The following MAGI1 variants were observed in gnomAD, a reference collection of about 807,000 sequenced individuals.
MAGI1 encodes the protein membrane-associated guanylate kinase, WW and PDZ domain-containing protein 1.
A neutral mutation model predicts 139.9 loss-of-function variants in MAGI1; 58 were observed. The ratio of observed to expected loss-of-function variants is 0.41; its 90% CI spans 0.34 to 0.52. The LOEUF (loss-of-function observed/expected upper bound fraction) is 0.52, where lower values mean the gene tolerates loss of function less well. Ranked by LOEUF, MAGI1 falls within the 20% of genes least tolerant of loss-of-function variation. MAGI1 has a pLI of 0.12. For missense variants in MAGI1, 1,874 were observed against 1,901.6 expected (o/e 0.99, Z 0.27); for synonymous variants, 812 against 737.9 (o/e 1.10, Z -1.63).
At chr3:65,950,100 A>AC (rs1167161398) in intron 1 of MAGI1, among the ~76,000 whole-genome samples, 2 of 88,034 alleles carry the variant, frequency 2.3e-5, no homozygotes, top group Admixed American at 2.8e-4. Context: ...CAAACAAAAA[A>AC]AAAAAACAGA....
chr3:65,662,503 G>T (rs892202234), intron 1 of MAGI1, among the ~76,000 whole-genome samples: 3 of 152,212 alleles, frequency 2.0e-5, no homozygotes, highest in Admixed American at 6.5e-5. Context: ...GACAGGTGTG[G>T]TTTACCAATC....
At chr3:65,421,429 C>T (rs2107278309) in intron 12 of MAGI1, among the ~76,000 whole-genome samples, 2 of 152,260 alleles carry the variant, frequency 1.3e-5, no homozygotes, top group East Asian at 3.9e-4. Flanking sequence ...AAAATACAAG[C>T]ACCACAGATA....
chr3:65,379,668 G>C (rs1051472857), intron 16 of MAGI1, 114 bp from the exon 17 acceptor site: 87 of 1,493,600 alleles, frequency 5.8e-5, no homozygotes, highest in Non-Finnish European at 7.3e-5. Context: ...CCGAGGGGAG[G>C]AGACAGCACC....
chr3:65,576,693 C>T (rs1425073968), intron 2 of MAGI1, among the ~76,000 whole-genome samples: 1 of 152,178 alleles, frequency 6.6e-6, no homozygotes, highest in Admixed American at 6.5e-5. Context: ...AGAACTCATA[C>T]ATTCCAGGAA....
At chr3:65,555,315 C>A (rs1236658185) in intron 2 of MAGI1, among the ~76,000 whole-genome samples, 1 of 152,102 alleles carries the variant, frequency 6.6e-6, no homozygotes, top group African/African-American at 2.4e-5. Context: ...TTCCTTTCTG[C>A]CTCAGAATAG....
intron 1 of MAGI1, among the ~76,000 whole-genome samples, chr3:66,013,407 A>T (rs1324347134): frequency 5.8e-5 from 2 of 34,566 alleles, no homozygotes; most frequent in Non-Finnish European, 7.1e-5. Flanking sequence ...TGTCTCAAAT[A>T]AAAAAAAAAA....
At chr3:65,449,767 T>G (rs981226129) in intron 6 of MAGI1, among the ~76,000 whole-genome samples, 5 of 151,956 alleles carry the variant, frequency 3.3e-5, no homozygotes, top group African/African-American at 9.7e-5. Context: ...AGGGCGAGAC[T>G]CCATCTCAAA....
intron 1 of MAGI1, among the ~76,000 whole-genome samples, chr3:65,823,853 C>G (rs2042075763): frequency 6.6e-6 from 1 of 152,196 alleles, no homozygotes; most frequent in African/African-American, 2.4e-5. Flanking sequence ...GATGGACACA[C>G]ACCTCCTTCC....
chr3:65,450,826 C>A (rs1181989634), intron 6 of MAGI1, among the ~76,000 whole-genome samples: 1 of 152,086 alleles, frequency 6.6e-6, no homozygotes, highest in African/African-American at 2.4e-5. Context: ...ATATGTATGA[C>A]CTACAGAGAA....
chr3:65,359,259 A>T, intron 22 of MAGI1: 1 of 1,544,838 alleles, frequency 6.5e-7, no homozygotes. Flanking sequence ...GAAAGAAAAA[A>T]AATCTACATT....
chr3:65,383,442 G>C (rs1943212025), intron 15 of MAGI1, 90 bp downstream of exon 15: 2 of 921,574 alleles, frequency 2.2e-6, no homozygotes, highest in Admixed American at 3.5e-5. Context: ...CATCTAGCTG[G>C]ACTTAAATCT....
At chr3:65,838,436 T>C (rs534594999) in intron 1 of MAGI1, among the ~76,000 whole-genome samples, 4 of 152,368 alleles carry the variant, frequency 2.6e-5, no homozygotes, top group East Asian at 1.9e-4. Flanking sequence ...TATGTTTTCA[T>C]CTCTATAATT....
chr3:65,424,227 T>G (rs1227048153), intron 12 of MAGI1, among the ~76,000 whole-genome samples: 1 of 152,214 alleles, frequency 6.6e-6, no homozygotes, highest in Non-Finnish European at 1.5e-5. Flanking sequence ...CACCACCATT[T>G]TCTTATCTAA....
chr3:65,992,378 G>C (rs551254441), intron 1 of MAGI1, among the ~76,000 whole-genome samples: 27 of 152,180 alleles, frequency 1.8e-4, no homozygotes, highest in Admixed American at 3.3e-4. Context: ...CCAGATCCTT[G>C]AGTACTAGCC....
chr3:65,505,393 TAA>T (rs55921332), intron 2 of MAGI1, among the ~76,000 whole-genome samples: 3,244 of 145,262 alleles, frequency 0.022, 65 homozygotes, highest in African/African-American at 0.054. Flanking sequence ...CTTGCTTAGT[TAA>T]AAAAAAAAAA....
chr3:66,000,223 G>A (rs913784442), intron 1 of MAGI1, among the ~76,000 whole-genome samples: 1 of 151,958 alleles, frequency 6.6e-6, no homozygotes, highest in Admixed American at 6.5e-5. Flanking sequence ...TGATCTGCCC[G>A]CCTCGGCCTC....
chr3:65,846,946 T>C (rs967293996), intron 1 of MAGI1, among the ~76,000 whole-genome samples: 3 of 113,894 alleles, frequency 2.6e-5, no homozygotes, highest in Non-Finnish European at 4.9e-5. Flanking sequence ...TGACTTGTCC[T>C]TTCAGATTAC....
intron 1 of MAGI1, among the ~76,000 whole-genome samples, chr3:65,806,954 ACAT>A (rs1431211433): frequency 6.6e-6 from 1 of 152,212 alleles, no homozygotes. Context: ...AACGATGGAA[ACAT>A]CATCATAGCA....
At position 65,714,508 on chromosome 3, in the gene MAGI1, C is replaced by T. The variant is rs552308206; in HGVS notation, c.314-92420G>A. ...AGGACTTGGGGAGCATGGGAGCCTA[C>T]GTAAACATGATGCTCATGCCACTTG... is the stretch of plus-strand genomic sequence containing the variant. On this transcript the variant is annotated intron_variant, in intron 1 of 22. Coordinates refer to ENST00000402939, the MANE Select transcript of MAGI1 (RefSeq NM_001033057.2). 5.9e-5 allele frequency among the ~76,000 whole-genome samples: 9 copies of T among 152,124 alleles called. No homozygotes were observed. The South Asian group carries it at 6.2e-4, about 11-fold the overall frequency.
Sources: allele counts gnomAD v4.1 joint callset (sites outside exome capture counted in the v4.1 genomes callset), GRCh38; gene constraint gnomAD v4.1.1; transcripts MANE v1.5; gene names NCBI Gene and HGNC (gene_info 2026-07-23, HGNC 2026-07-21).